The following IMPG2 variants were observed in gnomAD, a reference collection of about 807,000 sequenced individuals.
IMPG2 encodes the protein IPM 200.
A neutral mutation model predicts 129.2 loss-of-function variants in IMPG2; 91 were observed. That is an observed-to-expected ratio of 0.70 (90% confidence interval 0.59 to 0.84). The LOEUF (loss-of-function observed/expected upper bound fraction) is 0.84, where lower values mean the gene tolerates loss of function less well. Among genes scored for constraint, IMPG2 ranks in the 40% least tolerant of loss-of-function variants. The probability of loss-of-function intolerance (pLI) is 0.00; values close to 1 mark genes in which losing one functional copy is unlikely to be tolerated. For missense variants in IMPG2, 1,430 were observed against 1,461.7 expected, an observed-to-expected ratio of 0.98 and a Z score of 0.35; for synonymous variants, 510 against 517.7, an observed-to-expected ratio of 0.99 and a Z score of 0.20.
At chr3:101,250,997 A>AC (rs1487062479) in intron 11 of IMPG2, among the ~76,000 whole-genome samples, 12 of 152,184 alleles carry the variant, frequency 7.9e-5, no homozygotes, top group African/African-American at 2.4e-4. Context: ...GAGGGAATTA[A>AC]CTTTTTTCCT....
chr3:101,294,606 C>T (rs958216871), intron 3 of IMPG2, among the ~76,000 whole-genome samples: 1 of 151,994 alleles, frequency 6.6e-6, no homozygotes, highest in Non-Finnish European at 1.5e-5. Flanking sequence ...GGGTATATAC[C>T]CAATAATGGG....
At chr3:101,277,187 C>T (rs1325163619) in intron 4 of IMPG2, among the ~76,000 whole-genome samples, 1 of 152,192 alleles carries the variant, frequency 6.6e-6, no homozygotes, top group Non-Finnish European at 1.5e-5. Context: ...GGCCATCATA[C>T]TGGACAAGAT....
intron 2 of IMPG2, among the ~76,000 whole-genome samples, chr3:101,305,202 C>A (rs1357267951): frequency 6.6e-6 from 1 of 151,994 alleles, no homozygotes; most frequent in East Asian, 1.9e-4. Context: ...ATGGAGAAAA[C>A]TTTAATGCAC....
At chr3:101,228,256 T>C (rs1378685487) in intron 18 of IMPG2, among the ~76,000 whole-genome samples, 1 of 152,162 alleles carries the variant, frequency 6.6e-6, no homozygotes, top group East Asian at 1.9e-4. Context: ...AGGCAAGAGA[T>C]ACAGTTTAAT....
At chr3:101,284,289 T>G (rs189667572) in intron 4 of IMPG2, among the ~76,000 whole-genome samples, 1 of 152,320 alleles carries the variant, frequency 6.6e-6, no homozygotes, top group Admixed American at 6.5e-5. Context: ...AAATGAGTTG[T>G]CTTCCATCTT....
intron 11 of IMPG2, among the ~76,000 whole-genome samples, chr3:101,248,681 A>C (rs1706511178): frequency 6.6e-6 from 1 of 152,190 alleles, no homozygotes; most frequent in African/African-American, 2.4e-5. Flanking sequence ...GGCTCTATAG[A>C]GTGTTACCCA....
chr3:101,244,680 A>T lies in IMPG2; in HGVS notation c.1651T>A (p.Ser551Thr). ...GGTGAAGATGTTAAGGACACATCAG[A>T]GTCTTCCATGGATGGTATTGTTTCT... ...PKETIPSMED[S>T]DVSLTSSPYL... Residue 551 changes from serine (S) to threonine (T), a missense_variant, in exon 13 of 19, where the codon TCT (serine) becomes ACT (threonine). Coordinates refer to ENST00000193391, the MANE Select transcript of IMPG2 (RefSeq NM_016247.4). The T allele has an allele frequency of 6.2e-7, 1 of 1,614,154 alleles. No individual in the cohort carries two copies. The highest frequency in any genetic ancestry group is 8.5e-7 in the Non-Finnish European group (1 of 1,179,968).
At chr3:101,312,166 A>C (rs909446247) in intron 2 of IMPG2, among the ~76,000 whole-genome samples, 1 of 152,166 alleles carries the variant, frequency 6.6e-6, no homozygotes, top group African/African-American at 2.4e-5. Flanking sequence ...AAAGGCTCAA[A>C]AAAATAGATA....
intron 18 of IMPG2, 39 bp from the exon 19 acceptor site, chr3:101,227,020 A>C: frequency 6.2e-7 from 1 of 1,608,832 alleles, no homozygotes; most frequent in Non-Finnish European, 8.5e-7. Flanking sequence ...GTAAAAAAAA[A>C]GCAAGAATGT....
rs2058795502 is a variant in IMPG2, at chr3:101,318,323, A to G, written c.334+1261T>C. On this transcript the variant is annotated intron_variant, in intron 2 of 18. Coordinates refer to ENST00000193391, the MANE Select transcript of IMPG2 (RefSeq NM_016247.4). ...ATTTCTGGCATATGGCCTATACTCA[A>G]AATGCCAGGTCTGTGGATCTCCATT... is the stretch of plus-strand genomic sequence containing the variant. 3.3e-5 allele frequency among the ~76,000 whole-genome samples: 5 copies of G among 152,080 alleles called. No homozygotes were observed. The South Asian group carries it at 1.0e-3, about 32-fold the overall frequency.
chr3:101,242,479 AACATGTTTGG>A (rs1706420242), intron 14 of IMPG2, among the ~76,000 whole-genome samples, 199 bp downstream of exon 14: 1 of 152,228 alleles, frequency 6.6e-6, no homozygotes, highest in Non-Finnish European at 1.5e-5. Flanking sequence ...ATAATAAAGT[AACATGTTTGG>A]ACGATGTTTT....
At chr3:101,314,939 C>T (rs1046943219) in intron 2 of IMPG2, among the ~76,000 whole-genome samples, 6 of 152,034 alleles carry the variant, frequency 3.9e-5, no homozygotes, top group Non-Finnish European at 8.8e-5. Context: ...AATTCCACAC[C>T]TGACCTCTTT....
At chr3:101,284,641 C>A (rs1419815150) in intron 4 of IMPG2, among the ~76,000 whole-genome samples, 1 of 151,910 alleles carries the variant, frequency 6.6e-6, no homozygotes, top group African/African-American at 2.4e-5. Flanking sequence ...CAAACAAATT[C>A]ATGTATATTT....
chr3:101,245,888 A>G lies in IMPG2; in HGVS notation c.1457T>C (p.Leu486Pro). 1 of 1,614,212 alleles carries G rather than the reference A, an allele frequency of 6.2e-7. No homozygotes were observed. The highest frequency in any genetic ancestry group is 8.5e-7 in the Non-Finnish European group (1 of 1,180,026). The change falls in exon 12 of 19, where the codon CTT (leucine) becomes CCT (proline). Residue 486 changes from leucine (L) to proline (P), a missense_variant. Leu to Pro is a moderately conservative substitution (Grantham distance 98). Transcript: ENST00000193391. ...AAGCACTGCCGGGGTGACAGAATGA[A>G]GAGTCAAGCTGCTAACCTCTAAAAC... ...PEVLEVSSLT[L>P]HSVTPAVLQT... is the part of the protein sequence containing the mutation.
In IMPG2 at chr3:101,253,762, G is replaced by T. The variant is rs772639885; in HGVS notation, c.1173C>A (p.His391Gln). The change falls in exon 11 of 19, where the codon CAC becomes CAA. Residue 391 changes from histidine (H) to glutamine (Q), a missense_variant. By Grantham distance (24) the His-to-Gln change is conservative (BLOSUM62 0). Coordinates refer to ENST00000193391, the MANE Select transcript of IMPG2 (RefSeq NM_016247.4). ...QLINVRGVLR[H>Q]QTEDLVWNTQ... ...TGTTCCAAACTAGATCTTCAGTTTGGTGACGCAAAACTCCTCTCACTGAGG... is the reference window on the plus strand; with the variant it reads ...TGTTCCAAACTAGATCTTCAGTTTGTTGACGCAAAACTCCTCTCACTGAGG... 1.7e-5 allele frequency: 27 copies of T among 1,610,932 alleles called. No individual in the cohort carries two copies. The East Asian group carries it at 5.6e-4, about 33-fold the overall frequency.
At chr3:101,320,154 A>G in intron 1 of IMPG2, 134 bp downstream of exon 1, 1 of 682,140 alleles carries the variant, frequency 1.5e-6, no homozygotes, top group Non-Finnish European at 2.5e-6. Flanking sequence ...AACGGTTTAA[A>G]TGAAGCCATA....
In IMPG2 at chr3:101,225,585, A is replaced by G. The variant is rs1706212896; in HGVS notation, c.*1384T>C. The G allele has an allele frequency of 6.6e-6, 1 of 150,656 alleles. No homozygotes were observed. Among genetic ancestry groups the G allele is most frequent in the South Asian group, 2.1e-4 (1 of 4,750 alleles). The allele number at this position is 150,656 out of a possible 1,614,324, so 9.3% of individuals were successfully genotyped here. On this transcript the variant is annotated 3_prime_UTR_variant, in exon 19 of 19. Transcript: ENST00000193391. ...CAGAATTGGCAGTCATCAAGTTGAG[A>G]AAAAAAAAAGTGAACCAAGTATTTT...
rs1179055675 is a variant in IMPG2, at chr3:101,276,666, C to T, written c.581G>A (p.Gly194Glu). The part of the protein sequence containing the change: ...PVPVGDTSTL[G>E]DTTLSVPHPE... ...TGAATGAAGACACAAAAGTATACCT[C>T]CCAATGTTGAAGTATCACCAACAGG... Residue 194 changes from glycine (G) to glutamate (E), a missense_variant and splice_region_variant, in exon 5 of 19, where the codon GGA (glycine) becomes GAA (glutamate). Gly to Glu is a moderately conservative substitution (Grantham distance 98). Transcript: ENST00000193391. 6.2e-7 allele frequency: 1 copy of T among 1,600,808 alleles called. No individual in the cohort carries two copies. The highest frequency in any genetic ancestry group is 1.1e-5 in the South Asian group (1 of 90,690).
intron 3 of IMPG2, among the ~76,000 whole-genome samples, chr3:101,302,177 T>C (rs1707145566): frequency 6.6e-6 from 1 of 152,240 alleles, no homozygotes; most frequent in Admixed American, 6.5e-5. Flanking sequence ...ATCTGCTTTT[T>C]CTATTAAATA....
Sources: allele counts gnomAD v4.1 joint callset (sites outside exome capture counted in the v4.1 genomes callset), GRCh38; gene constraint gnomAD v4.1.1; transcripts MANE v1.5; gene names NCBI Gene and HGNC (gene_info 2026-07-23, HGNC 2026-07-21).